The following FBLN2 variants were observed in gnomAD, a reference collection of about 807,000 sequenced individuals.
The protein encoded by FBLN2 is fibulin-2.
FBLN2 carries 81 observed loss-of-function variants against 123.7 expected under a neutral mutation model. That is an observed-to-expected ratio of 0.65 (90% confidence interval 0.55 to 0.79). The LOEUF (loss-of-function observed/expected upper bound fraction) is 0.79, where lower values mean the gene tolerates loss of function less well. Ranked by LOEUF, FBLN2 falls within the 30% of genes least tolerant of loss-of-function variation. The pLI is 0.00. For synonymous variants in FBLN2, 699 were observed against 701.4 expected (o/e 1.00, Z 0.05); for missense variants, 1,603 against 1,681.3 (o/e 0.95, Z 0.81).
intron 1 of FBLN2, chr3:13,568,689 C>A: frequency 1.2e-6 from 1 of 844,008 alleles, no homozygotes; most frequent in Non-Finnish European, 1.4e-6. Flanking sequence ...CCTCTTCCGC[C>A]GGACTGACAC....
chr3:13,568,280 C>T (rs1032394675), intron 1 of FBLN2, among the ~76,000 whole-genome samples: 6 of 152,222 alleles, frequency 3.9e-5, no homozygotes, highest in Non-Finnish European at 7.3e-5. Context: ...CTCCCCCTTC[C>T]AGGCGCTCCT....
chr3:13,605,642 A>G (rs17038334), intron 2 of FBLN2, among the ~76,000 whole-genome samples: 22,518 of 152,054 alleles, frequency 0.15, 2,023 homozygotes, highest in East Asian at 0.35. Context: ...CCTTTCCACA[A>G]ATAACACTTG....
At chr3:13,612,331 C>CT (rs770229081) in intron 4 of FBLN2, among the ~76,000 whole-genome samples, 1 of 101,560 alleles carries the variant, frequency 9.8e-6, no homozygotes, top group African/African-American at 3.2e-5. Context: ...TTCTTTCTTT[C>CT]TTTCTTTCTT....
In FBLN2 at chr3:13,618,939, C is replaced by T. The variant is rs951970277; in HGVS notation, c.1975C>T (p.Pro659Ser). 1.2e-6 allele frequency: 2 copies of T among 1,613,518 alleles called. No individual in the cohort carries two copies. The highest frequency in any genetic ancestry group is 1.7e-6 in the Non-Finnish European group (2 of 1,179,776). Residue 659 changes from proline (P) to serine (S), a missense_variant, in exon 7 of 18, where the codon CCT (proline) becomes TCT (serine). Coordinates refer to ENST00000404922, the MANE Select transcript of FBLN2 (RefSeq NM_001004019.2). ...HPPQPEAPQE[P>S]ALKSEFSQVA... ...TCCACAGCCGGAAGCCCCACAGGAGCCTGCACTGAAGTCAGAATTTTCCCA... is the reference window on the plus strand; with the variant it reads ...TCCACAGCCGGAAGCCCCACAGGAGTCTGCACTGAAGTCAGAATTTTCCCA...
intron 9 of FBLN2, among the ~76,000 whole-genome samples, chr3:13,624,869 G>T (rs1242015439): frequency 6.6e-6 from 1 of 152,292 alleles, no homozygotes; most frequent in African/African-American, 2.4e-5. Flanking sequence ...CACCAGGAGG[G>T]GGTAGATGGG....
chr3:13,625,100 G>A (rs1431532216), intron 9 of FBLN2, among the ~76,000 whole-genome samples: 2 of 149,738 alleles, frequency 1.3e-5, no homozygotes, highest in African/African-American at 5.0e-5. Flanking sequence ...GGCCTGGGGT[G>A]GTTTCTGAGT....
intron 16 of FBLN2, among the ~76,000 whole-genome samples, chr3:13,633,954 A>AACACACACACACACACAC (rs56947028): frequency 0.063 from 7,068 of 112,766 alleles, 545 homozygotes; most frequent in East Asian, 0.079. Context: ...ACACACTGCA[A>AACACACACACACACACAC]ACACACACAC....
chr3:13,565,638 C>A (rs923011650), intron 1 of FBLN2, among the ~76,000 whole-genome samples: 1 of 152,204 alleles, frequency 6.6e-6, no homozygotes, highest in South Asian at 2.1e-4. Flanking sequence ...GCACATGATA[C>A]GTAAAGCGTT....
At chr3:13,554,623 T>A (rs888971150) in intron 1 of FBLN2, among the ~76,000 whole-genome samples, 1 of 26,890 alleles carries the variant, frequency 3.7e-5, no homozygotes, top group Non-Finnish European at 8.0e-5. Flanking sequence ...TGGTGTTGGC[T>A]GAGCATCTCA....
chr3:13,564,996 G>A (rs1004729261), intron 1 of FBLN2, among the ~76,000 whole-genome samples: 9 of 152,156 alleles, frequency 5.9e-5, no homozygotes, highest in African/African-American at 1.9e-4. Context: ...ACTCTGATGT[G>A]CCGGAGCCCT....
At chr3:13,626,613 C>A in intron 10 of FBLN2, 34 bp downstream of exon 10, 1 of 1,512,978 alleles carries the variant, frequency 6.6e-7, no homozygotes, top group South Asian at 1.3e-5. Flanking sequence ...ACTGGAGGCC[C>A]CGCCCCATGG....
At chr3:13,636,677 C>G in intron 17 of FBLN2, 109 bp downstream of exon 17, 2 of 1,316,078 alleles carry the variant, frequency 1.5e-6, no homozygotes, top group South Asian at 2.9e-5. Flanking sequence ...CCTCTCGTCC[C>G]AGCCCCTGAC....
At position 13,625,066 on chromosome 3, in the gene FBLN2, A is replaced by C. The variant is rs911164674; in HGVS notation, c.2297-1379A>C. The stretch of plus-strand genomic sequence containing the variant: ...TTGGTGGCCTCTGTGGCCCCGGGGC[A>C]GTTTCTGAGTTGGTGGCCTCTGTGG... On this transcript the variant is annotated intron_variant, in intron 9 of 17. Coordinates refer to ENST00000404922, the MANE Select transcript of FBLN2 (RefSeq NM_001004019.2). Among the ~76,000 whole-genome samples the C allele has an allele frequency of 3.0e-5, 4 of 131,864 alleles. No homozygotes were observed. The Admixed American group carries it at 3.1e-4, about 10-fold the overall frequency. The allele number at this position is 131,864 out of a possible 152,430, so 86.5% of individuals were successfully genotyped here.
chr3:13,550,551 C>CAGCA (rs1703295173), intron 1 of FBLN2, among the ~76,000 whole-genome samples: 1 of 152,222 alleles, frequency 6.6e-6, no homozygotes, highest in Non-Finnish European at 1.5e-5. Flanking sequence ...GGTCCGGGCC[C>CAGCA]TCCCAGAGGG....
chr3:13,589,068 G>A (rs1462760752), intron 2 of FBLN2, among the ~76,000 whole-genome samples: 2 of 152,206 alleles, frequency 1.3e-5, no homozygotes, highest in Non-Finnish European at 2.9e-5. Context: ...AAGGGACAGT[G>A]CACACTTTTA....
chr3:13,622,649 T>A (rs1705893997), intron 9 of FBLN2, among the ~76,000 whole-genome samples: 1 of 152,214 alleles, frequency 6.6e-6, no homozygotes, highest in Non-Finnish European at 1.5e-5. Flanking sequence ...GGGTTGGTGC[T>A]CAGTGATGCC....
Position 13,563,528 on chromosome 3 carries a change from G to C in FBLN2, c.-41-6787G>C, listed in dbSNP as rs536752336. Among the ~76,000 whole-genome samples, 67 of 152,168 alleles carry C rather than the reference G, an allele frequency of 4.4e-4. 1 individual carries two copies. The Middle Eastern group carries it at 0.014, about 31-fold the overall frequency. On this transcript the variant is annotated intron_variant, in intron 1 of 17. Coordinates refer to ENST00000404922, the MANE Select transcript of FBLN2 (RefSeq NM_001004019.2). ...TCCAGCTGAGATGCAGTCTTGCCCAGCTCCCCCTGGCTCTGCCTGCTTTCC... is the reference window on the plus strand; with the variant it reads ...TCCAGCTGAGATGCAGTCTTGCCCACCTCCCCCTGGCTCTGCCTGCTTTCC...
chr3:13,571,493 C>G lies in FBLN2; in HGVS notation c.1138C>G (p.Pro380Ala). The change falls in exon 2 of 18, where the codon CCA (proline) becomes GCA (alanine). Residue 380 changes from proline to alanine, a missense_variant. Transcript: ENST00000404922. ...TQAVPGSPRD[P>A]VKPSPHNILS... is the part of the protein sequence containing the mutation. The stretch of plus-strand genomic sequence containing the variant: ...GGCCGTGCCTGGCTCTCCCAGGGAC[C>G]CAGTCAAGCCCAGCCCCCACAACAT... 1 of 1,613,580 alleles carries G rather than the reference C, an allele frequency of 6.2e-7. No homozygotes were observed. Among genetic ancestry groups the G allele is most frequent in the Non-Finnish European group, 8.5e-7 (1 of 1,179,836 alleles).
At chr3:13,612,611 G>A (rs765389047) in intron 4 of FBLN2, among the ~76,000 whole-genome samples, 4 of 128,532 alleles carry the variant, frequency 3.1e-5, no homozygotes, top group Non-Finnish European at 6.0e-5. Context: ...TCGATCTCCT[G>A]ACCTCGTGAT....
Sources: allele counts gnomAD v4.1 joint callset (sites outside exome capture counted in the v4.1 genomes callset), GRCh38; gene constraint gnomAD v4.1.1; transcripts MANE v1.5; gene names NCBI Gene and HGNC (gene_info 2026-07-23, HGNC 2026-07-21).